RNF170: variants seen among roughly 807,000 people sequenced by gnomAD.
RNF170 encodes E3 ubiquitin-protein ligase RNF170.
In RNF170, 12 loss-of-function variants were observed where a neutral mutation model predicts 32.7. That is an observed-to-expected ratio of 0.37 (90% CI 0.24 to 0.60). The LOEUF (loss-of-function observed/expected upper bound fraction) is 0.60, where lower values mean the gene tolerates loss of function less well. Among genes scored for constraint, RNF170 ranks in the 20% least tolerant of loss-of-function variants. The probability of loss-of-function intolerance (pLI) is 0.72; values close to 1 mark genes in which losing one functional copy is unlikely to be tolerated. For missense variants in RNF170, 212 were observed against 311.2 expected, an observed-to-expected ratio of 0.68 and a Z score of 2.40; for synonymous variants, 91 against 103.6, an observed-to-expected ratio of 0.88 and a Z score of 0.74.
At chr8:42,852,320 C>G (rs1017442504), downstream of RNF170, among the ~76,000 whole-genome samples, 4 of 152,178 alleles carry the variant, frequency 2.6e-5, no homozygotes, top group African/African-American at 9.7e-5. Context: ...GAAATATATA[C>G]TTTTATTACC....
At position 42,855,895 on chromosome 8, in the gene RNF170, A is replaced by C; in HGVS notation, c.*264T>G. The C allele has an allele frequency of 8.1e-7, 1 of 1,232,174 alleles. No homozygotes were observed. The highest frequency in any genetic ancestry group is 1.4e-5 in the South Asian group (1 of 73,676). The allele number at this position is 1,232,174 out of a possible 1,614,324, so 76.3% of individuals were successfully genotyped here. ...ATATAAAAGCATCCCTTTTTATATA[A>C]TTCCATATTTTTTCCAGACAACATA... On this transcript the variant is annotated 3_prime_UTR_variant, in exon 7 of 7. Transcript: ENST00000527424.
chr8:42,896,228 G>C (rs2130273903), intron 1 of RNF170: 2 of 322,392 alleles, frequency 6.2e-6, no homozygotes, highest in East Asian at 1.1e-4. Context: ...AGGGAGCGGC[G>C]GTGTCCTCGC....
downstream of RNF170, chr8:42,851,110 C>T (rs1305321721): frequency 4.2e-6 from 6 of 1,443,276 alleles, no homozygotes; most frequent in African/African-American, 5.6e-5. Flanking sequence ...ACTTCATGCC[C>T]TCCTTCCAGC....
At chr8:42,853,218 T>C, downstream of RNF170, 1 of 511,068 alleles carries the variant, frequency 2.0e-6, no homozygotes, top group Non-Finnish European at 2.9e-6. Context: ...GATAAAGCCG[T>C]TGCAACCATT....
At chr8:42,887,067 T>A (rs772211336) in intron 2 of RNF170, among the ~76,000 whole-genome samples, 7 of 151,902 alleles carry the variant, frequency 4.6e-5, no homozygotes. Flanking sequence ...CTGACGCAGG[T>A]GGATCACCTC....
chr8:42,873,736 T>C (rs2128937717), intron 3 of RNF170, among the ~76,000 whole-genome samples, 195 bp downstream of exon 3: 1 of 152,288 alleles, frequency 6.6e-6, no homozygotes, highest in South Asian at 2.1e-4. Context: ...TAAACAAACA[T>C]GAAGACATCT....
chr8:42,876,155 C>T (rs1804913103), intron 2 of RNF170, among the ~76,000 whole-genome samples: 1 of 151,756 alleles, frequency 6.6e-6, no homozygotes. Flanking sequence ...AAAGCCTCTC[C>T]TCTGGCTTCT....
rs1465850624 is a variant in RNF170, at chr8:42,853,710, C to G, written c.*2449G>C. On this transcript the variant is annotated 3_prime_UTR_variant, in exon 7 of 7. Transcript: ENST00000527424. ...TCAAAACTCTGATTGACTCTACTTG[C>G]TTTAAAAACTCTCAGATCCCTTCTG... 7.8e-7 allele frequency: 1 copy of G among 1,287,148 alleles called. No individual in the cohort carries two copies. The allele number at this position is 1,287,148 out of a possible 1,614,324, so 79.7% of individuals were successfully genotyped here.
chr8:42,861,535 G>A (rs951849270), intron 6 of RNF170: 10 of 521,532 alleles, frequency 1.9e-5, no homozygotes, highest in Non-Finnish European at 2.8e-5. Context: ...TAGAGATGGG[G>A]TTTCATCATG....
upstream of RNF170, chr8:42,896,852 G>A (rs1043033118): frequency 7.5e-6 from 2 of 266,082 alleles, no homozygotes; most frequent in African/African-American, 2.2e-5. Flanking sequence ...GGGCGGCGGC[G>A]CTGGGGAGGA....
intron 6 of RNF170, among the ~76,000 whole-genome samples, chr8:42,859,711 T>G (rs577953369): frequency 8.5e-5 from 13 of 152,168 alleles, no homozygotes; most frequent in Non-Finnish European, 1.5e-4. Flanking sequence ...TGCAGTGATG[T>G]GATCCTGGCT....
At chr8:42,875,429 C>T (rs1362447044) in intron 2 of RNF170, among the ~76,000 whole-genome samples, 4 of 152,078 alleles carry the variant, frequency 2.6e-5, no homozygotes, top group Non-Finnish European at 5.9e-5. Flanking sequence ...AGAAATCCAT[C>T]CTGTGATTAT....
intron 6 of RNF170, among the ~76,000 whole-genome samples, chr8:42,860,405 C>T (rs1363646876): frequency 6.6e-6 from 1 of 152,072 alleles, no homozygotes; most frequent in African/African-American, 2.4e-5. Flanking sequence ...GCTAAGATGA[C>T]ATATAAACAT....
intron 6 of RNF170, among the ~76,000 whole-genome samples, chr8:42,857,961 G>C (rs1803363244): frequency 6.6e-6 from 1 of 152,198 alleles, no homozygotes; most frequent in Non-Finnish European, 1.5e-5. Context: ...TTTGAACCCA[G>C]GAGACAGAGG....
intron 6 of RNF170, among the ~76,000 whole-genome samples, chr8:42,857,139 T>C (rs1390656376): frequency 6.6e-6 from 1 of 152,094 alleles, no homozygotes; most frequent in Non-Finnish European, 1.5e-5. Context: ...ACAATCTGTG[T>C]AACAGTCATA....
Position 42,854,503 on chromosome 8 carries a change from T to G in RNF170, c.*1656A>C, listed in dbSNP as rs1307065887. 1 of 1,286,666 alleles carries G rather than the reference T, an allele frequency of 7.8e-7. No homozygotes were observed. Among genetic ancestry groups the G allele is most frequent in the East Asian group, 5.5e-5 (1 of 18,030 alleles). 79.7% of individuals were successfully genotyped at this position (1,286,666 alleles called of 1,614,324 possible). ...AAGTATGTGAGAAACCTGCTTTAAT[T>G]ATAATGTGCTATGTTTAAGCATTAT... On this transcript the variant is annotated 3_prime_UTR_variant, in exon 7 of 7. Coordinates refer to ENST00000527424, the MANE Select transcript of RNF170 (RefSeq NM_030954.4).
chr8:42,865,494 T>C lies in RNF170; in HGVS notation c.323-5A>G, dbSNP rs749639746. On this transcript the variant is annotated splice_polypyrimidine_tract_variant and splice_region_variant and intron_variant, in intron 4 of 6. Coordinates refer to ENST00000527424, the MANE Select transcript of RNF170 (RefSeq NM_030954.4). Reference sequence around the variant, plus strand: ...AGTAAGCAATAATGCAGGCACCTAATAGACAAAACAAAACAAACACATAAC... The same window carrying C: ...AGTAAGCAATAATGCAGGCACCTAACAGACAAAACAAAACAAACACATAAC... 37 of 1,610,564 alleles carry C rather than the reference T, an allele frequency of 2.3e-5. No homozygotes were observed. The highest frequency in any genetic ancestry group is 2.2e-5 in the East Asian group (1 of 44,854).
At chr8:42,863,156 T>A (rs1355846652) in intron 5 of RNF170, among the ~76,000 whole-genome samples, 2 of 152,142 alleles carry the variant, frequency 1.3e-5, no homozygotes, top group Non-Finnish European at 2.9e-5. Flanking sequence ...GAACAAGCAT[T>A]TGCCATCTGT....
intron 2 of RNF170, among the ~76,000 whole-genome samples, chr8:42,874,865 C>T (rs1298808887): frequency 6.6e-6 from 1 of 151,934 alleles, no homozygotes; most frequent in East Asian, 1.9e-4. Flanking sequence ...TGGGATAAAA[C>T]ATCCCATATT....
Sources: gnomAD v4.1 joint callset for allele counts (sites outside exome capture counted in the v4.1 genomes callset) on GRCh38, gnomAD v4.1.1 for gene constraint, MANE v1.5 for transcripts, NCBI Gene and HGNC (gene_info 2026-07-23, HGNC 2026-07-21) for gene names.